C16orf82: variants seen among roughly 807,000 people sequenced by gnomAD.
The protein encoded by C16orf82 is chromosome 16 open reading frame 82.
For synonymous variants in C16orf82, 82 were observed against 85.5 expected, an observed-to-expected ratio of 0.96 and a Z score of 0.22; for missense variants, 176 against 206.1, an observed-to-expected ratio of 0.85 and a Z score of 0.89.
rs750396060 is a variant in C16orf82 at position 27,067,494 on chromosome 16, C to G, written c.*34C>G. 55 of 1,266,776 alleles carry G rather than the reference C, an allele frequency of 4.3e-5. No individual in the cohort carries two copies. The highest frequency in any genetic ancestry group is 3.3e-4 in the Middle Eastern group (1 of 3,058). 78.5% of individuals were successfully genotyped at this position (1,266,776 alleles called of 1,614,324 possible). A position where few individuals can be genotyped will look rare whatever the true frequency, so the allele number is the denominator to read the frequency against. ...TGCCCGGCAGCGGCAGCGGCAGCAG[C>G]ATCCTGTCCAGCGCCAGCTTCATCA... On this transcript the variant is annotated 3_prime_UTR_variant, in exon 1 of 1. Coordinates refer to ENST00000505035, the MANE Select transcript of C16orf82 (RefSeq NM_001145545.2).
chr16:27,067,977 AAC>A lies in C16orf82; in HGVS notation c.*521_*522del, dbSNP rs1464582430. ...TATGCTGAGCACCGCCTATCCTGAG[AAC>A]ACAGTCAGTGAGGAGACTGTCTATA... On this transcript the variant is annotated 3_prime_UTR_variant, in exon 1 of 1. Coordinates refer to ENST00000505035, the MANE Select transcript of C16orf82 (RefSeq NM_001145545.2). 1 of 188,462 alleles carries A rather than the reference AAC, an allele frequency of 5.3e-6. No individual in the cohort carries two copies. The highest frequency in any genetic ancestry group is 1.2e-5 in the Non-Finnish European group (1 of 81,290). The allele number at this position is 188,462 out of a possible 1,614,324, so 11.7% of individuals were successfully genotyped here. A position where few individuals can be genotyped will look rare whatever the true frequency, so the allele number is the denominator to read the frequency against.
rs1900412174 is a variant in C16orf82, at chr16:27,067,499, TG to T, written c.*40del. The T allele has an allele frequency of 7.9e-7, 1 of 1,265,930 alleles. No homozygotes were observed. Among genetic ancestry groups the T allele is most frequent in the African/African-American group, 1.5e-5 (1 of 64,782 alleles). 78.4% of individuals were successfully genotyped at this position (1,265,930 alleles called of 1,614,324 possible). ...GGCAGCGGCAGCGGCAGCAGCATCC[TG>T]TCCAGCGCCAGCTTCATCAGCTTGG... On this transcript the variant is annotated 3_prime_UTR_variant, in exon 1 of 1. Coordinates refer to ENST00000505035, the MANE Select transcript of C16orf82 (RefSeq NM_001145545.2).
In C16orf82 at chr16:27,068,529, C is replaced by A. The variant is rs1040834611; in HGVS notation, c.*1069C>A. On this transcript the variant is annotated 3_prime_UTR_variant, in exon 1 of 1. Transcript: ENST00000505035. ...CGGAGCACCTTCACGACTCTCAGCT[C>A]CCCCAAGGAGTCCAGACTAAGTGAC... The A allele has an allele frequency of 6.0e-6, 1 of 167,234 alleles. No individual in the cohort carries two copies. The highest frequency in any genetic ancestry group is 2.4e-5 in the African/African-American group (1 of 41,436). The allele number at this position is 167,234 out of a possible 1,614,324, so 10.4% of individuals were successfully genotyped here. A position where few individuals can be genotyped will look rare whatever the true frequency, so the allele number is the denominator to read the frequency against.
rs757633274 is a variant in C16orf82 at position 27,067,119 on chromosome 16, G to C, written c.124G>C (p.Ala42Pro). ...ACCCAGCTTAGAGCTCCAGTCCCCTGCGTGGCCACGCCATGCAGGAGTGGC... is the reference window on the plus strand; with the variant it reads ...ACCCAGCTTAGAGCTCCAGTCCCCTCCGTGGCCACGCCATGCAGGAGTGGC... Residue 42 changes from alanine to proline, a missense_variant, in exon 1 of 1, where the codon GCG becomes CCG. Physicochemically the swap from Ala to Pro is conservative, Grantham distance 27. Coordinates refer to ENST00000505035, the MANE Select transcript of C16orf82 (RefSeq NM_001145545.2). 2 of 1,367,106 alleles carry C rather than the reference G, an allele frequency of 1.5e-6. No homozygotes were observed. Among genetic ancestry groups the C allele is most frequent in the Non-Finnish European group, 2.0e-6 (2 of 1,021,582 alleles). 84.7% of individuals were successfully genotyped at this position (1,367,106 alleles called of 1,614,324 possible). A position where few individuals can be genotyped will look rare whatever the true frequency, so the allele number is the denominator to read the frequency against.
At position 27,067,473 on chromosome 16, in the gene C16orf82, C is replaced by G. The variant is rs774938360; in HGVS notation, c.*13C>G. 4 of 1,283,586 alleles carry G rather than the reference C, an allele frequency of 3.1e-6. No individual in the cohort carries two copies. The highest frequency in any genetic ancestry group is 1.3e-5 in the South Asian group (1 of 79,528). The allele number at this position is 1,283,586 out of a possible 1,614,324, so 79.5% of individuals were successfully genotyped here. A position where few individuals can be genotyped will look rare whatever the true frequency, so the allele number is the denominator to read the frequency against. On this transcript the variant is annotated 3_prime_UTR_variant, in exon 1 of 1. Coordinates refer to ENST00000505035, the MANE Select transcript of C16orf82 (RefSeq NM_001145545.2). ...AGGGAAAGAGTGAGGCCAGCCTGCCCGGCAGCGGCAGCGGCAGCAGCATCC... is the reference window on the plus strand; with the variant it reads ...AGGGAAAGAGTGAGGCCAGCCTGCCGGGCAGCGGCAGCGGCAGCAGCATCC...
At position 27,067,394 on chromosome 16, in the gene C16orf82, C is replaced by T. The variant is rs1166649705; in HGVS notation, c.399C>T (p.Pro133=). 3.0e-6 allele frequency: 4 copies of T among 1,333,328 alleles called. No individual in the cohort carries two copies. In the East Asian group the frequency reaches 2.0e-4, roughly 67 times the overall value. The allele number at this position is 1,333,328 out of a possible 1,614,324, so 82.6% of individuals were successfully genotyped here. Residue 133 remains proline, a synonymous_variant, in exon 1 of 1, where the codon CCC becomes CCT. Coordinates refer to ENST00000505035, the MANE Select transcript of C16orf82 (RefSeq NM_001145545.2). ...GCCAGCTGGGCTCCATAGACCCTCC[C>T]AGCTCTCTAAAGAGCCGGCTGACTG... is the stretch of plus-strand genomic sequence containing the variant.
Position 27,066,991 on chromosome 16 carries a change from T to C in C16orf82, c.-5T>C, listed in dbSNP as rs1900394826. ...CATTCAGAGGCCTCCCAGGGCCCCC[T>C]CTCCCTGGATAAACCACTTCAGCTG... On this transcript the variant is annotated 5_prime_UTR_variant, in exon 1 of 1. Transcript: ENST00000505035. 7.3e-7 allele frequency: 1 copy of C among 1,366,500 alleles called. No homozygotes were observed. The highest frequency in any genetic ancestry group is 1.9e-5 in the Admixed American group (1 of 52,564). 84.6% of individuals were successfully genotyped at this position (1,366,500 alleles called of 1,614,324 possible).
Position 27,067,425 on chromosome 16 carries a change from G to T in C16orf82, c.430G>T (p.Ala144Ser), listed in dbSNP as rs755807612. ...TCTAAAGAGCCGGCTGACTGGCCCC[G>T]CCCACAGCACCAAGCAGACTGGAGG... The change falls in exon 1 of 1, where the codon GCC becomes TCC. Residue 144 changes from alanine to serine, a missense_variant. Physicochemically the swap from Ala to Ser is moderately conservative, Grantham distance 99. Transcript: ENST00000505035. 2 of 1,331,006 alleles carry T rather than the reference G, an allele frequency of 1.5e-6. No homozygotes were observed. Among genetic ancestry groups the T allele is most frequent in the Non-Finnish European group, 2.0e-6 (2 of 1,005,092 alleles). The allele number at this position is 1,331,006 out of a possible 1,614,324, so 82.4% of individuals were successfully genotyped here. A position where few individuals can be genotyped will look rare whatever the true frequency, so the allele number is the denominator to read the frequency against.
Position 27,067,517 on chromosome 16 carries a change from T to C in C16orf82, c.*57T>C, listed in dbSNP as rs914455157. On this transcript the variant is annotated 3_prime_UTR_variant, in exon 1 of 1. Coordinates refer to ENST00000505035, the MANE Select transcript of C16orf82 (RefSeq NM_001145545.2). ...AGCATCCTGTCCAGCGCCAGCTTCA[T>C]CAGCTTGGGCAGCAGTGCCCTCACC... The C allele has an allele frequency of 5.7e-6, 7 of 1,225,636 alleles. No individual in the cohort carries two copies. In the African/African-American group the frequency reaches 1.1e-4, roughly 19 times the overall value. The allele number at this position is 1,225,636 out of a possible 1,614,324, so 75.9% of individuals were successfully genotyped here.
chr16:27,067,387 A>T lies in C16orf82; in HGVS notation c.392A>T (p.Asp131Val). 7.5e-7 allele frequency: 1 copy of T among 1,333,030 alleles called. No individual in the cohort carries two copies. Among genetic ancestry groups the T allele is most frequent in the Non-Finnish European group, 9.9e-7 (1 of 1,005,588 alleles). The allele number at this position is 1,333,030 out of a possible 1,614,324, so 82.6% of individuals were successfully genotyped here. A position where few individuals can be genotyped will look rare whatever the true frequency, so the allele number is the denominator to read the frequency against. The change falls in exon 1 of 1, where the codon GAC (aspartate) becomes GTC (valine). Residue 131 changes from aspartate (D) to valine (V), a missense_variant. Physicochemically the swap from Asp to Val is radical, Grantham distance 152 (BLOSUM62 -3). Coordinates refer to ENST00000505035, the MANE Select transcript of C16orf82 (RefSeq NM_001145545.2). Reference sequence around the variant, plus strand: ...CAAACCAGCCAGCTGGGCTCCATAGACCCTCCCAGCTCTCTAAAGAGCCGG... The same window carrying T: ...CAAACCAGCCAGCTGGGCTCCATAGTCCCTCCCAGCTCTCTAAAGAGCCGG...
In C16orf82 at chr16:27,067,005, C is replaced by CCCATTT. The variant is rs1365294909; in HGVS notation, c.11_12insCATTTC (p.Pro4_Leu5insIleSer). The CCCATTT allele has an allele frequency of 1.5e-6, 2 of 1,367,574 alleles. No homozygotes were observed. Among genetic ancestry groups the CCCATTT allele is most frequent in the Non-Finnish European group, 2.0e-6 (2 of 1,021,856 alleles). The allele number at this position is 1,367,574 out of a possible 1,614,324, so 84.7% of individuals were successfully genotyped here. A position where few individuals can be genotyped will look rare whatever the true frequency, so the allele number is the denominator to read the frequency against. On this transcript the variant is annotated inframe_insertion, in exon 1 of 1. Coordinates refer to ENST00000505035, the MANE Select transcript of C16orf82 (RefSeq NM_001145545.2). ...CCAGGGCCCCCTCTCCCTGGATAAA[C>CCCATTT]CACTTCAGCTGCCCCCCATTTTTCT...
At position 27,067,000 on chromosome 16, in the gene C16orf82, A is replaced by T; in HGVS notation, c.5A>T (p.Asp2Val). The T allele has an allele frequency of 7.3e-7, 1 of 1,367,660 alleles. No individual in the cohort carries two copies. The highest frequency in any genetic ancestry group is 9.8e-7 in the Non-Finnish European group (1 of 1,021,816). The allele number at this position is 1,367,660 out of a possible 1,614,324, so 84.7% of individuals were successfully genotyped here. A position where few individuals can be genotyped will look rare whatever the true frequency, so the allele number is the denominator to read the frequency against. Reference sequence around the variant, plus strand: ...GCCTCCCAGGGCCCCCTCTCCCTGGATAAACCACTTCAGCTGCCCCCCATT... The same window carrying T: ...GCCTCCCAGGGCCCCCTCTCCCTGGTTAAACCACTTCAGCTGCCCCCCATT... Residue 2 changes from aspartate (D) to valine (V), a missense_variant, in exon 1 of 1, where the codon GAT (aspartate) becomes GTT (valine). Transcript: ENST00000505035.
At position 27,067,214 on chromosome 16, in the gene C16orf82, C is replaced by T. The variant is rs199585119; in HGVS notation, c.219C>T (p.Ser73=). 7 of 1,366,470 alleles carry T rather than the reference C, an allele frequency of 5.1e-6. No individual in the cohort carries two copies. Among genetic ancestry groups the T allele is most frequent in the East Asian group, 4.6e-5 (1 of 21,934 alleles). The allele number at this position is 1,366,470 out of a possible 1,614,324, so 84.6% of individuals were successfully genotyped here. The change falls in exon 1 of 1, where the codon AGC becomes AGT. Residue 73 remains serine (S), a synonymous_variant. Transcript: ENST00000505035. ...AGAGCAGCGAGAGTCATGTTTCCAG[C>T]GTGCAGCACCCGAGGCCAGAGGAGG...
rs1406491230 is a variant in C16orf82, at chr16:27,068,924, C to G, written c.*1464C>G. ...TGACAGAGCCCAACCCAGCCGGGAA[C>G]AGCTGCGATGGGGAAGCTCTGGAGC... is the stretch of plus-strand genomic sequence containing the variant. On this transcript the variant is annotated 3_prime_UTR_variant, in exon 1 of 1. Coordinates refer to ENST00000505035, the MANE Select transcript of C16orf82 (RefSeq NM_001145545.2). The G allele has an allele frequency of 6.0e-6, 1 of 166,776 alleles. No individual in the cohort carries two copies. The highest frequency in any genetic ancestry group is 1.5e-5 in the Non-Finnish European group (1 of 68,100). The allele number at this position is 166,776 out of a possible 1,614,324, so 10.3% of individuals were successfully genotyped here.
chr16:27,067,475 G>T lies in C16orf82; in HGVS notation c.*15G>T, dbSNP rs1213157015. The T allele has an allele frequency of 2.3e-6, 3 of 1,283,944 alleles. No individual in the cohort carries two copies. Among genetic ancestry groups the T allele is most frequent in the Non-Finnish European group, 3.1e-6 (3 of 982,328 alleles). 79.5% of individuals were successfully genotyped at this position (1,283,944 alleles called of 1,614,324 possible). A position where few individuals can be genotyped will look rare whatever the true frequency, so the allele number is the denominator to read the frequency against. ...GGAAAGAGTGAGGCCAGCCTGCCCG[G>T]CAGCGGCAGCGGCAGCAGCATCCTG... is the stretch of plus-strand genomic sequence containing the variant. On this transcript the variant is annotated 3_prime_UTR_variant, in exon 1 of 1. Coordinates refer to ENST00000505035, the MANE Select transcript of C16orf82 (RefSeq NM_001145545.2).
In C16orf82 at chr16:27,067,070, G is replaced by C. The variant is rs1392116863; in HGVS notation, c.75G>C (p.Gln25His). 1 of 1,367,582 alleles carries C rather than the reference G, an allele frequency of 7.3e-7. No individual in the cohort carries two copies. Among genetic ancestry groups the C allele is most frequent in the Admixed American group, 1.9e-5 (1 of 52,578 alleles). The allele number at this position is 1,367,582 out of a possible 1,614,324, so 84.7% of individuals were successfully genotyped here. The stretch of plus-strand genomic sequence containing the variant: ...GGGAATCCTCTGTCCAGAATGAGCA[G>C]GAAGGAGAGCCAAGCCTACAGTCAC... The change falls in exon 1 of 1, where the codon CAG becomes CAC. Residue 25 changes from glutamine (Q) to histidine (H), a missense_variant. By Grantham distance (24) the Gln-to-His change is conservative. Transcript: ENST00000505035.
In C16orf82 at chr16:27,066,944, T is replaced by C; in HGVS notation, c.-52T>C. The C allele has an allele frequency of 7.8e-7, 1 of 1,283,154 alleles. No homozygotes were observed. The highest frequency in any genetic ancestry group is 1.1e-6 in the Non-Finnish European group (1 of 946,082). The allele number at this position is 1,283,154 out of a possible 1,614,324, so 79.5% of individuals were successfully genotyped here. A position where few individuals can be genotyped will look rare whatever the true frequency, so the allele number is the denominator to read the frequency against. On this transcript the variant is annotated 5_prime_UTR_variant, in exon 1 of 1. Coordinates refer to ENST00000505035, the MANE Select transcript of C16orf82 (RefSeq NM_001145545.2). ...GCAGCCTTATATACGGAGTCACCTC[T>C]CCCCAGAGAGGTCACAGCCAACATT... is the stretch of plus-strand genomic sequence containing the variant.
chr16:27,068,439 G>A lies in C16orf82; in HGVS notation c.*979G>A, dbSNP rs891683376. The A allele has an allele frequency of 1.3e-4, 22 of 167,512 alleles. No homozygotes were observed. Among genetic ancestry groups the A allele is most frequent in the Admixed American group, 8.5e-4 (13 of 15,294 alleles). The allele number at this position is 167,512 out of a possible 1,614,324, so 10.4% of individuals were successfully genotyped here. On this transcript the variant is annotated 3_prime_UTR_variant, in exon 1 of 1. Transcript: ENST00000505035. ...CATGAAACTTCATCCTGGCCAAGCA[G>A]CACCACACTCTGTCCATCATTGTCA...
chr16:27,067,897 A>T lies in C16orf82; in HGVS notation c.*437A>T, dbSNP rs185059985. The T allele has an allele frequency of 4.9e-4, 116 of 235,496 alleles. No homozygotes were observed. Among genetic ancestry groups the T allele is most frequent in the African/African-American group, 2.6e-3 (112 of 43,556 alleles). The allele number at this position is 235,496 out of a possible 1,614,324, so 14.6% of individuals were successfully genotyped here. A position where few individuals can be genotyped will look rare whatever the true frequency, so the allele number is the denominator to read the frequency against. On this transcript the variant is annotated 3_prime_UTR_variant, in exon 1 of 1. Coordinates refer to ENST00000505035, the MANE Select transcript of C16orf82 (RefSeq NM_001145545.2). The stretch of plus-strand genomic sequence containing the variant: ...TGACTGTGTCAACCATCAGTGGGTA[A>T]TCCCATTTGTAGCAACAAGCATCAG...
Sources: allele counts gnomAD v4.1 joint callset, GRCh38; gene constraint gnomAD v4.1.1; transcripts MANE v1.5; gene names NCBI Gene and HGNC (gene_info 2026-07-23, HGNC 2026-07-21).